ZCCHC10: variants seen among roughly 807,000 people sequenced by gnomAD.
The protein encoded by ZCCHC10 is zinc finger CCHC-type containing 10.
ZCCHC10 carries 16 observed loss-of-function variants against 19.5 expected under a neutral mutation model. That is an observed-to-expected ratio of 0.82 (90% CI 0.56 to 1.25). The LOEUF (loss-of-function observed/expected upper bound fraction) is 1.25. Ranked by LOEUF, ZCCHC10 falls within the 50% of genes most tolerant of loss-of-function variation. The pLI is 0.00. For synonymous variants in ZCCHC10, 67 were observed against 72.5 expected, an observed-to-expected ratio of 0.92 and a Z score of 0.38; for missense variants, 197 against 201.0, an observed-to-expected ratio of 0.98 and a Z score of 0.12.
chr5:133,026,400 T>G, intron 1 of ZCCHC10, 97 bp downstream of exon 1: 2 of 1,507,322 alleles, frequency 1.3e-6, no homozygotes, highest in Non-Finnish European at 9.1e-7. Context: ...GAAACGGACA[T>G]TCTCCGCCGG....
At chr5:133,025,386 C>T (rs1329708722) in intron 1 of ZCCHC10, among the ~76,000 whole-genome samples, 1 of 151,594 alleles carries the variant, frequency 6.6e-6, no homozygotes, top group African/African-American at 2.4e-5. Context: ...CGCCTGTAGT[C>T]CCAGCTACTC....
chr5:133,002,804 C>G (rs965069974), intron 3 of ZCCHC10, among the ~76,000 whole-genome samples: 2 of 151,966 alleles, frequency 1.3e-5, no homozygotes, highest in Non-Finnish European at 2.9e-5. Flanking sequence ...ACTTCAACCT[C>G]TGCCTCCTGG....
At chr5:133,006,694 G>C in intron 3 of ZCCHC10, 65 bp downstream of exon 3, 3 of 1,432,886 alleles carry the variant, frequency 2.1e-6, no homozygotes, top group Non-Finnish European at 2.8e-6. Flanking sequence ...GAAACGTTTG[G>C]TCCTTTAATA....
Position 132,998,572 on chromosome 5 carries a change from A to G in ZCCHC10, c.*11T>C. The stretch of plus-strand genomic sequence containing the variant: ...TTTTCAGTCCATCAGTCCAATATGA[A>G]TGGAGCAACTCTATTTCTTTTTCTT... On this transcript the variant is annotated 3_prime_UTR_variant, in exon 5 of 5. Transcript: ENST00000509437. 1 of 1,609,436 alleles carries G rather than the reference A, an allele frequency of 6.2e-7. No homozygotes were observed. Among genetic ancestry groups the G allele is most frequent in the Non-Finnish European group, 8.5e-7 (1 of 1,178,284 alleles).
intron 3 of ZCCHC10, among the ~76,000 whole-genome samples, chr5:133,003,978 G>A (rs1762943454): frequency 6.6e-6 from 1 of 152,078 alleles, no homozygotes; most frequent in Admixed American, 6.5e-5. Flanking sequence ...CCATAGTGCT[G>A]GAATTACAGG....
chr5:133,018,034 G>A (rs996918166), intron 2 of ZCCHC10, among the ~76,000 whole-genome samples: 48 of 151,878 alleles, frequency 3.2e-4, no homozygotes, highest in African/African-American at 1.1e-3. Flanking sequence ...AGTCCCAACT[G>A]CGTGGGAGGC....
chr5:133,006,025 C>T (rs1763099147), intron 3 of ZCCHC10, among the ~76,000 whole-genome samples: 2 of 139,762 alleles, frequency 1.4e-5, no homozygotes, highest in African/African-American at 5.3e-5. Flanking sequence ...CCCTCTGTTG[C>T]CCAGTCGGGA....
chr5:133,003,163 A>T, intron 3 of ZCCHC10: 1 of 338,030 alleles, frequency 3.0e-6, no homozygotes, highest in Non-Finnish European at 5.8e-6. Flanking sequence ...TGCGAAGTTG[A>T]TCCCCCTTTT....
chr5:133,015,077 G>GTT (rs35057432), intron 2 of ZCCHC10, among the ~76,000 whole-genome samples: 33,580 of 128,562 alleles, frequency 0.26, 4,978 homozygotes, highest in East Asian at 0.37. Flanking sequence ...CCACTGTGAG[G>GTT]TTTTTTTTTT....
At chr5:133,020,038 T>C (rs1166672881) in intron 2 of ZCCHC10, among the ~76,000 whole-genome samples, 1 of 148,180 alleles carries the variant, frequency 6.7e-6, no homozygotes. Context: ...ATCCAAACAA[T>C]AGAGCAACTA....
intron 2 of ZCCHC10, among the ~76,000 whole-genome samples, chr5:133,008,686 C>T (rs546701228): frequency 6.6e-6 from 1 of 151,940 alleles, no homozygotes; most frequent in African/African-American, 2.4e-5. Context: ...CAGGACAACA[C>T]AGCAAGACTC....
Position 132,998,448 on chromosome 5 carries a change from T to C in ZCCHC10, c.*135A>G. On this transcript the variant is annotated 3_prime_UTR_variant, in exon 5 of 5. Transcript: ENST00000509437. ...ATTAATATTCTCTATGCTCTTACAA[T>C]GTAAAACATTTAGAAACTTTTGAAT... 2.8e-6 allele frequency: 2 copies of C among 725,634 alleles called. No individual in the cohort carries two copies. The highest frequency in any genetic ancestry group is 4.4e-6 in the Non-Finnish European group (2 of 450,680). 44.9% of individuals were successfully genotyped at this position (725,634 alleles called of 1,614,324 possible).
intron 2 of ZCCHC10, among the ~76,000 whole-genome samples, chr5:133,012,136 C>CAAAAAAAAAAAAAA (rs1172354725): frequency 1.3e-5 from 1 of 74,790 alleles, no homozygotes; most frequent in Non-Finnish European, 2.5e-5. Context: ...GCCTCCATCT[C>CAAAAAAAAAAAAAA]AAAAAAAAAA....
At chr5:133,003,209 T>C in intron 3 of ZCCHC10, 1 of 376,726 alleles carries the variant, frequency 2.7e-6, no homozygotes, top group South Asian at 2.3e-5. Context: ...GGAGCAGCAC[T>C]GTTTCTCTCG....
intron 3 of ZCCHC10, among the ~76,000 whole-genome samples, chr5:133,005,727 T>A (rs1763077319): frequency 1.3e-5 from 2 of 152,142 alleles, no homozygotes; most frequent in African/African-American, 2.4e-5. Context: ...GGGTGAGAGG[T>A]ATACCTTTCT....
intron 2 of ZCCHC10, among the ~76,000 whole-genome samples, chr5:133,013,074 AAAT>A (rs1561546324): frequency 6.8e-6 from 1 of 147,340 alleles, no homozygotes; most frequent in African/African-American, 2.5e-5. Flanking sequence ...AAAAAAAAAA[AAAT>A]AATAAATAAA....
At position 133,000,644 on chromosome 5, in the gene ZCCHC10, C is replaced by CT. The variant is rs200042984; in HGVS notation, c.270-472dup. ...CTTTTTCTGCATGTCCCGTTATTTA[C>CT]TTTTTTTTTTTTTTTTTTGAGACAA... is the stretch of plus-strand genomic sequence containing the variant. On this transcript the variant is annotated intron_variant, in intron 3 of 4. Transcript: ENST00000509437. Among the ~76,000 whole-genome samples, 397 of 134,502 alleles carry CT rather than the reference C, an allele frequency of 3.0e-3. 1 individual carries two copies. Among genetic ancestry groups the CT allele is most frequent in the South Asian group, 0.021 (92 of 4,280 alleles). 88.2% of individuals were successfully genotyped at this position (134,502 alleles called of 152,430 possible). A position where few individuals can be genotyped will look rare whatever the true frequency, so the allele number is the denominator to read the frequency against.
At chr5:133,021,779 A>C (rs555945794) in intron 2 of ZCCHC10, among the ~76,000 whole-genome samples, 7 of 150,658 alleles carry the variant, frequency 4.6e-5, no homozygotes, top group Non-Finnish European at 1.0e-4. Flanking sequence ...ATCTTAGCTT[A>C]CTACAATTTT....
At chr5:133,002,394 G>C (rs1762832246) in intron 3 of ZCCHC10, among the ~76,000 whole-genome samples, 1 of 151,972 alleles carries the variant, frequency 6.6e-6, no homozygotes, top group South Asian at 2.1e-4. Context: ...TTTTTGTAGA[G>C]GTGAGACTTG....
Sources: allele counts gnomAD v4.1 joint callset (sites outside exome capture counted in the v4.1 genomes callset), GRCh38; gene constraint gnomAD v4.1.1; transcripts MANE v1.5; gene names NCBI Gene and HGNC (gene_info 2026-07-23, HGNC 2026-07-21).